SLC8A1: variants seen among roughly 807,000 people sequenced by gnomAD.
The protein encoded by SLC8A1 is sodium/calcium exchanger 1.
Under a neutral mutation model 68.3 loss-of-function variants are expected in SLC8A1, and 18 were observed. That is an observed-to-expected ratio of 0.26 (90% CI 0.18 to 0.39). SLC8A1 has a LOEUF of 0.39. Ranked by LOEUF, SLC8A1 falls within the 10% of genes least tolerant of loss-of-function variation. The probability of loss-of-function intolerance (pLI) is 1.00; values close to 1 mark genes in which losing one functional copy is unlikely to be tolerated. For synonymous variants in SLC8A1, 475 were observed against 415.5 expected (o/e 1.14, Z -1.74); for missense variants, 985 against 1,156.7 (o/e 0.85, Z 2.15).
At position 40,420,319 on chromosome 2, in the gene SLC8A1, A is replaced by G. The variant is rs555979037; in HGVS notation, c.1808+8154T>C. On this transcript the variant is annotated intron_variant, in intron 2 of 7. Transcript: ENST00000406785. ...CAAGGTAATAGCATCCCCTGATACT[A>G]ATTCTTTGCTGTCATTAATTTGGAT... Among the ~76,000 whole-genome samples the G allele has an allele frequency of 3.3e-5, 5 of 151,894 alleles. No individual in the cohort carries two copies. The South Asian group carries it at 1.0e-3, about 32-fold the overall frequency.
chr2:40,293,177 T>C (rs184820362), intron 2 of SLC8A1, among the ~76,000 whole-genome samples: 7 of 152,318 alleles, frequency 4.6e-5, no homozygotes, highest in Admixed American at 2.6e-4. Context: ...TCAATGTCTA[T>C]TGACCTCGTT....
intron 2 of SLC8A1, among the ~76,000 whole-genome samples, chr2:40,183,511 C>T (rs75497496): frequency 0.014 from 2,143 of 152,148 alleles, 57 homozygotes; most frequent in African/African-American, 0.049. Flanking sequence ...ACTCTGAGGA[C>T]TCTGAATAGT....
chr2:40,263,768 C>A (rs1359826969), intron 2 of SLC8A1, among the ~76,000 whole-genome samples: 2 of 152,138 alleles, frequency 1.3e-5, no homozygotes, highest in African/African-American at 4.8e-5. Flanking sequence ...CTAGGCAATA[C>A]CATTCAGGAC....
intron 2 of SLC8A1, among the ~76,000 whole-genome samples, chr2:40,268,645 A>G (rs999954177): frequency 5.3e-5 from 8 of 152,184 alleles, no homozygotes; most frequent in Admixed American, 2.6e-4. Context: ...ATGTACGTGT[A>G]TAAGGGCAGA....
At chr2:40,310,210 G>C (rs772041061) in intron 2 of SLC8A1, among the ~76,000 whole-genome samples, 3 of 152,202 alleles carry the variant, frequency 2.0e-5, no homozygotes, top group African/African-American at 4.8e-5. Context: ...GATGTATGGA[G>C]TTGGTGCAGA....
intron 2 of SLC8A1, among the ~76,000 whole-genome samples, chr2:40,276,282 G>C (rs1304119291): frequency 6.6e-6 from 1 of 152,148 alleles, no homozygotes; most frequent in African/African-American, 2.4e-5. Context: ...GCTTCTTTTG[G>C]TGACCACATG....
chr2:40,306,303 AC>A (rs1227907934), intron 2 of SLC8A1, among the ~76,000 whole-genome samples: 1 of 152,232 alleles, frequency 6.6e-6, no homozygotes, highest in African/African-American at 2.4e-5. Flanking sequence ...GACTTACATA[AC>A]AAGATGGCAA....
At chr2:40,357,988 G>A (rs1367245476) in intron 2 of SLC8A1, among the ~76,000 whole-genome samples, 1 of 149,080 alleles carries the variant, frequency 6.7e-6, no homozygotes, top group Non-Finnish European at 1.5e-5. Flanking sequence ...AGGGATAAAG[G>A]GAAATCCATC....
intron 2 of SLC8A1, among the ~76,000 whole-genome samples, chr2:40,214,652 C>G (rs1260847567): frequency 6.6e-6 from 1 of 151,718 alleles, no homozygotes; most frequent in East Asian, 1.9e-4. Flanking sequence ...TTTCGCCAGG[C>G]TGGTCTCGAA....
At chr2:40,366,408 A>C (rs1676206421) in intron 2 of SLC8A1, among the ~76,000 whole-genome samples, 3 of 152,102 alleles carry the variant, frequency 2.0e-5, no homozygotes. Context: ...AAATAAGAAT[A>C]TAAAACCCAC....
intron 3 of SLC8A1, chr2:40,177,647 G>A: frequency 2.8e-6 from 2 of 713,680 alleles, no homozygotes; most frequent in Non-Finnish European, 4.9e-6. Flanking sequence ...ATGAAGTATA[G>A]TACTTGGAAG....
chr2:40,395,118 A>C lies in SLC8A1; in HGVS notation c.1808+33355T>G, dbSNP rs185837122. Among the ~76,000 whole-genome samples, 4 of 152,320 alleles carry C rather than the reference A, an allele frequency of 2.6e-5. No homozygotes were observed. The East Asian group carries it at 5.8e-4, about 22-fold the overall frequency. Reference sequence around the variant, plus strand: ...GCTCTTTAAGACAAAAGTTTACCTTAATCTACTTACTTCTGAGGGTAGGGG... The same window carrying C: ...GCTCTTTAAGACAAAAGTTTACCTTCATCTACTTACTTCTGAGGGTAGGGG... On this transcript the variant is annotated intron_variant, in intron 2 of 7. Transcript: ENST00000406785.
chr2:40,110,381 C>T (rs1441898596), exon 8 of SLC8A1: 2 of 152,082 alleles, frequency 1.3e-5, no homozygotes, highest in African/African-American at 4.8e-5. Flanking sequence ...GTGGTGAGTA[C>T]ATAATGGTAA....
intron 2 of SLC8A1, among the ~76,000 whole-genome samples, chr2:40,348,669 C>T (rs12712691): frequency 0.61 from 92,201 of 151,920 alleles, 29,570 homozygotes; most frequent in East Asian, 0.87. Context: ...CTCTGCACTC[C>T]GGGGTCTCAG....
At chr2:40,377,908 T>C (rs1012126541) in intron 2 of SLC8A1, among the ~76,000 whole-genome samples, 4 of 152,126 alleles carry the variant, frequency 2.6e-5, no homozygotes, top group African/African-American at 9.6e-5. Flanking sequence ...AATGTTTTTA[T>C]TTCACCCTGT....
chr2:40,442,923 C>T (rs992381582), intron 1 of SLC8A1, among the ~76,000 whole-genome samples: 1 of 152,066 alleles, frequency 6.6e-6, no homozygotes, highest in Non-Finnish European at 1.5e-5. Flanking sequence ...ACTATGCAGC[C>T]ATAACAAGGA....
At chr2:40,131,904 A>T (rs1385119188) in intron 7 of SLC8A1, among the ~76,000 whole-genome samples, 14 of 124,566 alleles carry the variant, frequency 1.1e-4, no homozygotes, top group Non-Finnish European at 2.0e-4. Flanking sequence ...GTCAGAACTG[A>T]ACATCTTTCA....
chr2:40,289,862 A>AAAATTAAATTAAATTAAATTAAATT (rs201875232), intron 2 of SLC8A1, among the ~76,000 whole-genome samples: 1 of 151,718 alleles, frequency 6.6e-6, no homozygotes, highest in African/African-American at 2.4e-5. Flanking sequence ...CTCAGTCTCA[A>AAAATTAAATTAAATTAAATTAAATT]AAATTAAATT....
chr2:40,493,329 T>A lies in SLC8A1; in HGVS notation c.-25+19020A>T, dbSNP rs1450232865. 3.5e-3 allele frequency among the ~76,000 whole-genome samples: 345 copies of A among 98,948 alleles called. 1 individual carries two copies. Among genetic ancestry groups the A allele is most frequent in the African/African-American group, 0.013 (328 of 25,448 alleles). The allele number at this position is 98,948 out of a possible 152,430, so 64.9% of individuals were successfully genotyped here. On this transcript the variant is annotated intron_variant, in intron 1 of 7. Transcript: ENST00000402441. Reference sequence around the variant, plus strand: ...ATGGACACAGGAAGGGGAACATCACTCTCTGGGGACTGTTGTGGGGTGGGG... The same window carrying A: ...ATGGACACAGGAAGGGGAACATCACACTCTGGGGACTGTTGTGGGGTGGGG...
Sources: allele counts gnomAD v4.1 joint callset (sites outside exome capture counted in the v4.1 genomes callset), GRCh38; gene constraint gnomAD v4.1.1; transcripts MANE v1.5; gene names NCBI Gene and HGNC (gene_info 2026-07-23, HGNC 2026-07-21).